The following PARP16 variants were observed in gnomAD, a reference collection of about 807,000 sequenced individuals.
PARP16 encodes poly(ADP-ribose) polymerase family member 16.
Under a neutral mutation model 35.0 loss-of-function variants are expected in PARP16, and 31 were observed. That is an observed-to-expected ratio of 0.88 (90% CI 0.66 to 1.19). PARP16 has a LOEUF of 1.19. Ranked by LOEUF, PARP16 falls within the 50% of genes most tolerant of loss-of-function variation. The probability of loss-of-function intolerance (pLI) is 0.00; values close to 1 mark genes in which losing one functional copy is unlikely to be tolerated. For missense variants in PARP16, 424 were observed against 411.2 expected (o/e 1.03, Z -0.27); for synonymous variants, 162 against 169.5 (o/e 0.96, Z 0.34).
chr15:65,233,917 A>C (rs2140703336), downstream of PARP16, among the ~76,000 whole-genome samples: 1 of 152,214 alleles, frequency 6.6e-6, no homozygotes, highest in Middle Eastern at 3.4e-3. Flanking sequence ...GCAGTAAAAA[A>C]ATTTTTTTTC....
At chr15:65,269,208 T>C (rs60147431) in intron 2 of PARP16, among the ~76,000 whole-genome samples, 42,385 of 96,950 alleles carry the variant, frequency 0.44, 6,552 homozygotes, top group Admixed American at 0.52. Context: ...TTCTTTCTTT[T>C]TTTTTTGAGA....
intron 1 of PARP16, among the ~76,000 whole-genome samples, chr15:65,275,114 C>T (rs929865403): frequency 1.3e-4 from 17 of 129,466 alleles, no homozygotes; most frequent in African/African-American, 4.4e-4. Flanking sequence ...GACCCTGTCT[C>T]AAAAAAAAAA....
chr15:65,239,955 C>CT lies in PARP16; in HGVS notation c.*98-5133dup, dbSNP rs367808430. Among the ~76,000 whole-genome samples, 19 of 81,712 alleles carry CT rather than the reference C, an allele frequency of 2.3e-4. 3 individuals carry two copies. Among genetic ancestry groups the CT allele is most frequent in the East Asian group, 5.4e-4 (2 of 3,704 alleles). The allele number at this position is 81,712 out of a possible 152,430, so 53.6% of individuals were successfully genotyped here. On this transcript the variant is annotated intron_variant and NMD_transcript_variant, in intron 3 of 3. Transcript: ENST00000559805. The stretch of plus-strand genomic sequence containing the variant: ...ACAGGCGTGAGCCACCGCGTCTGAC[C>CT]TTTTTTTTTTTTTTTTTTTAAATAC...
downstream of PARP16, among the ~76,000 whole-genome samples, chr15:65,253,625 C>T (rs1451508726): frequency 3.3e-5 from 5 of 152,104 alleles, no homozygotes; most frequent in Non-Finnish European, 7.4e-5. Context: ...CCACCGCGCC[C>T]GGCCTTCATT....
chr15:65,252,156 G>T (rs770081481), intron 2 of PARP16, among the ~76,000 whole-genome samples: 2 of 152,158 alleles, frequency 1.3e-5, no homozygotes, highest in African/African-American at 4.8e-5. Flanking sequence ...TGTAGAGTGT[G>T]TGAGTGGAGG....
rs1425317455 is a variant in PARP16 at position 65,259,543 on chromosome 15, C to T, written c.834-1G>A. On this transcript the variant is annotated splice_acceptor_variant, in intron 5 of 5. Coordinates refer to ENST00000649807, the MANE Select transcript of PARP16 (RefSeq NM_001316943.2). LOFTEE classifies it high-confidence loss of function. ...AAACCAGGAGAGCTGGCTCGAAGCC[C>T]TGCTTAAGAGGGAAAAAAGAGTGGT... The T allele has an allele frequency of 6.2e-7, 1 of 1,613,872 alleles. No individual in the cohort carries two copies. The highest frequency in any genetic ancestry group is 8.5e-7 in the Non-Finnish European group (1 of 1,179,908).
chr15:65,250,724 T>C (rs990797407), intron 2 of PARP16, among the ~76,000 whole-genome samples: 1 of 152,176 alleles, frequency 6.6e-6, no homozygotes, highest in Admixed American at 6.5e-5. Context: ...TGGTCAGACC[T>C]ACCCATTGCT....
At chr15:65,257,134 T>G (rs914824617), downstream of PARP16, among the ~76,000 whole-genome samples, 1 of 152,022 alleles carries the variant, frequency 6.6e-6, no homozygotes, top group Non-Finnish European at 1.5e-5. Context: ...AATACAAAAA[T>G]GGCCGGGCAT....
Position 65,259,417 on chromosome 15 carries a change from G to C in PARP16, c.959C>G (p.Ala320Gly), listed in dbSNP as rs775661449. The C allele has an allele frequency of 6.2e-7, 1 of 1,614,054 alleles. No individual in the cohort carries two copies. The highest frequency in any genetic ancestry group is 1.1e-5 in the South Asian group (1 of 91,078). ...SSAFQHFWNR[A>G]KR ...CCAGGCCCAGAAAGATTATCTTTTC[G>C]CACGATTCCAAAAGTGTTGGAAAGC... The change falls in exon 6 of 6, where the codon GCG becomes GGG. Residue 320 changes from alanine (A) to glycine (G), a missense_variant. Physicochemically the swap from Ala to Gly is moderately conservative, Grantham distance 60 (BLOSUM62 0). Coordinates refer to ENST00000649807, the MANE Select transcript of PARP16 (RefSeq NM_001316943.2).
At chr15:65,274,577 TAA>T (rs35324263) in intron 1 of PARP16, among the ~76,000 whole-genome samples, 369 of 139,990 alleles carry the variant, frequency 2.6e-3, no homozygotes, top group South Asian at 4.3e-3. Context: ...CTGTCTCGAA[TAA>T]AAAAAAAAAA....
intron 1 of PARP16, among the ~76,000 whole-genome samples, chr15:65,276,710 C>T (rs542993105): frequency 6.6e-6 from 1 of 152,010 alleles, no homozygotes; most frequent in Admixed American, 6.6e-5. Context: ...ATATTTGGGA[C>T]ATATTCATAC....
intron 1 of PARP16, among the ~76,000 whole-genome samples, chr15:65,282,389 C>T (rs2140978777): frequency 6.6e-6 from 1 of 152,316 alleles, no homozygotes. Flanking sequence ...AGACCTGATT[C>T]CCTTTTCTTT....
At chr15:65,248,283 T>A (rs2089264407) in intron 2 of PARP16, 3 of 456,284 alleles carry the variant, frequency 6.6e-6, no homozygotes, top group Non-Finnish European at 8.8e-6. Flanking sequence ...AGTAAATTAG[T>A]AAATCATAAA....
At chr15:65,269,205 T>TCTCTCTCTC (rs1567029678) in intron 2 of PARP16, among the ~76,000 whole-genome samples, 5 of 147,272 alleles carry the variant, frequency 3.4e-5, no homozygotes, top group African/African-American at 1.0e-4. Flanking sequence ...TCTTTCTTTC[T>TCTCTCTCTC]TTTTTTTTTG....
At chr15:65,265,115 A>G (rs764094920) in intron 3 of PARP16, among the ~76,000 whole-genome samples, 1 of 152,202 alleles carries the variant, frequency 6.6e-6, no homozygotes, top group African/African-American at 2.4e-5. Flanking sequence ...TACACCAGGG[A>G]AATATCTCCA....
chr15:65,276,123 C>CCCA (rs1459791521), intron 1 of PARP16, among the ~76,000 whole-genome samples: 1 of 152,190 alleles, frequency 6.6e-6, no homozygotes, highest in Non-Finnish European at 1.5e-5. Context: ...CTCCTTGCTC[C>CCCA]CCACCATCTG....
chr15:65,265,649 G>A (rs2089863069), intron 3 of PARP16, among the ~76,000 whole-genome samples: 1 of 152,170 alleles, frequency 6.6e-6, no homozygotes, highest in African/African-American at 2.4e-5. Flanking sequence ...CCCAAGGAAA[G>A]TGCTTCTCAA....
chr15:65,277,215 C>G (rs1209257986), intron 1 of PARP16, among the ~76,000 whole-genome samples: 13 of 152,142 alleles, frequency 8.5e-5, no homozygotes, highest in African/African-American at 3.1e-4. Flanking sequence ...CCTACCATGA[C>G]ATCCCACTGA....
At chr15:65,250,930 C>T (rs146441769) in intron 2 of PARP16, among the ~76,000 whole-genome samples, 73 of 152,234 alleles carry the variant, frequency 4.8e-4, no homozygotes, top group African/African-American at 1.7e-3. Flanking sequence ...TGCAGTGGTG[C>T]GATCTTGGCT....
Sources: gnomAD v4.1 joint callset for allele counts (sites outside exome capture counted in the v4.1 genomes callset) on GRCh38, gnomAD v4.1.1 for gene constraint, MANE v1.5 for transcripts, NCBI Gene and HGNC (gene_info 2026-07-23, HGNC 2026-07-21) for gene names.